AKAP13: variants seen among roughly 807,000 people sequenced by gnomAD.
AKAP13 encodes A-kinase anchoring protein 13.
In AKAP13, 80 loss-of-function variants were observed where a neutral mutation model predicts 264.5. The observed-to-expected ratio is 0.30, with a 90% CI of 0.25 to 0.36. The LOEUF is 0.36. Among genes scored for constraint, AKAP13 ranks in the 10% least tolerant of loss-of-function variants. AKAP13 has a pLI of 1.00. For missense variants in AKAP13, 3,712 were observed against 3,435.2 expected, an observed-to-expected ratio of 1.08 and a Z score of -2.01; for synonymous variants, 1,380 against 1,250.2, an observed-to-expected ratio of 1.10 and a Z score of -2.19.
chr15:85,660,087 T>C (rs974625134), intron 12 of AKAP13, among the ~76,000 whole-genome samples: 3 of 151,960 alleles, frequency 2.0e-5, no homozygotes, highest in South Asian at 2.1e-4. Context: ...GCACGGTGGC[T>C]CACGCCTGTA....
intron 12 of AKAP13, among the ~76,000 whole-genome samples, chr15:85,661,349 G>T (rs2083336951): frequency 6.6e-6 from 1 of 152,064 alleles, no homozygotes; most frequent in African/African-American, 2.4e-5. Flanking sequence ...TTTTTATCTT[G>T]TAGGAAAAAT....
intron 30 of AKAP13, among the ~76,000 whole-genome samples, chr15:85,734,455 CT>C (rs1319750916): frequency 6.6e-6 from 1 of 152,004 alleles, no homozygotes; most frequent in Non-Finnish European, 1.5e-5. Flanking sequence ...CCTGGCCCTT[CT>C]TTTTCTTTAT....
At chr15:85,529,698 G>C (rs546193211) in intron 3 of AKAP13, among the ~76,000 whole-genome samples, 1 of 152,358 alleles carries the variant, frequency 6.6e-6, no homozygotes, top group East Asian at 1.9e-4. Flanking sequence ...ATGTGAGAGA[G>C]TAGGCCTGCC....
chr15:85,670,305 C>T (rs2083852644), intron 14 of AKAP13, among the ~76,000 whole-genome samples: 1 of 151,876 alleles, frequency 6.6e-6, no homozygotes, highest in African/African-American at 2.4e-5. Flanking sequence ...CATAACTCTC[C>T]TTTACCTCTA....
At chr15:85,738,663 C>G (rs1479721698) in intron 33 of AKAP13, among the ~76,000 whole-genome samples, 1 of 151,236 alleles carries the variant, frequency 6.6e-6, no homozygotes, top group Non-Finnish European at 1.5e-5. Context: ...AAGGTGAAAC[C>G]CCGTCTCTAC....
chr15:85,597,273 A>G (rs1247461266), intron 8 of AKAP13, among the ~76,000 whole-genome samples: 1 of 152,192 alleles, frequency 6.6e-6, no homozygotes, highest in Non-Finnish European at 1.5e-5. Context: ...CCAAAGAGCT[A>G]GCATGCTCAA....
In AKAP13 at chr15:85,743,601, C is replaced by T. The variant is rs2089220806; in HGVS notation, c.8168C>T (p.Ser2723Leu). Residue 2723 changes from serine to leucine, a missense_variant, in exon 36 of 37, where the codon TCA becomes TTA. Ser to Leu is a moderately radical substitution (Grantham distance 145, BLOSUM62 -2). Around this residue, in one of 3 missense-constraint regions of AKAP13, gnomAD observed 611 missense variants for 539.3 expected, o/e 1.13. Coordinates refer to ENST00000394518, the MANE Select transcript of AKAP13 (RefSeq NM_007200.5). ...PSIAKSGSLDSELSVSPKRNS... is the reference protein window; with the variant it reads ...PSIAKSGSLDLELSVSPKRNS... ...ATAGCCAAATCAGGGTCATTGGACT[C>T]AGAACTTTCAGTGTCCCCAAAAAGG... 6.2e-7 allele frequency: 1 copy of T among 1,614,022 alleles called. No homozygotes were observed. The highest frequency in any genetic ancestry group is 1.3e-5 in the African/African-American group (1 of 74,896).
chr15:85,498,199 G>GATATAGATATATATATATATAT lies in AKAP13; in HGVS notation c.33+12451_33+12452insGATATATATATATATATATATA, dbSNP rs1467895169. On this transcript the variant is annotated intron_variant, in intron 2 of 36. Coordinates refer to ENST00000394518, the MANE Select transcript of AKAP13 (RefSeq NM_007200.5). Reference sequence around the variant, plus strand: ...TGGTAGTAAGGATTAAATGAAGTGAGATATATATATATATATATATATATA... The same window carrying GATATAGATATATATATATATAT: ...TGGTAGTAAGGATTAAATGAAGTGAGATATAGATATATATATATATATATATATATATATATATATATATATA... Among the ~76,000 whole-genome samples the GATATAGATATATATATATATAT allele has an allele frequency of 1.4e-4, 19 of 133,086 alleles. 1 individual carries two copies. The East Asian group carries it at 3.1e-3, about 22-fold the overall frequency. The allele number at this position is 133,086 out of a possible 152,430, so 87.3% of individuals were successfully genotyped here.
At chr15:85,511,870 G>A (rs559827598) in intron 2 of AKAP13, among the ~76,000 whole-genome samples, 1 of 152,108 alleles carries the variant, frequency 6.6e-6, no homozygotes, top group South Asian at 2.1e-4. Context: ...TGGCAGTTAA[G>A]CACTTTTAAC....
At chr15:85,429,315 G>A (rs542096723) in intron 1 of AKAP13, among the ~76,000 whole-genome samples, 3 of 151,938 alleles carry the variant, frequency 2.0e-5, no homozygotes, top group Admixed American at 6.6e-5. Flanking sequence ...CATTTCTCTC[G>A]TGCAAGACTA....
chr15:85,555,158 A>C (rs1384573514), intron 5 of AKAP13, among the ~76,000 whole-genome samples: 1 of 152,124 alleles, frequency 6.6e-6, no homozygotes, highest in Non-Finnish European at 1.5e-5. Flanking sequence ...CGGATAGCTA[A>C]AATACATCAT....
intron 1 of AKAP13, among the ~76,000 whole-genome samples, chr15:85,482,960 G>C (rs1349424612): frequency 5.3e-5 from 8 of 152,130 alleles, no homozygotes; most frequent in Admixed American, 1.3e-4. Flanking sequence ...ACCAGTGTGA[G>C]GGACAGACAC....
intron 1 of AKAP13, among the ~76,000 whole-genome samples, chr15:85,481,644 C>G (rs1309987019): frequency 6.6e-6 from 1 of 152,206 alleles, no homozygotes; most frequent in Non-Finnish European, 1.5e-5. Context: ...TGATTCCTTT[C>G]AACTGTAGCT....
chr15:85,527,329 C>T (rs1410865789), intron 3 of AKAP13, among the ~76,000 whole-genome samples: 1 of 152,088 alleles, frequency 6.6e-6, no homozygotes, highest in Non-Finnish European at 1.5e-5. Context: ...GCACTGGAAT[C>T]CTAGGGCATA....
At chr15:85,613,857 A>G (rs150388131) in intron 8 of AKAP13, among the ~76,000 whole-genome samples, 1,789 of 151,544 alleles carry the variant, frequency 0.012, 114 homozygotes, top group Admixed American at 0.11. Context: ...GATGGAATTT[A>G]GGTTCACTAT....
chr15:85,461,743 T>C (rs1479641105), intron 1 of AKAP13, among the ~76,000 whole-genome samples: 2 of 152,138 alleles, frequency 1.3e-5, no homozygotes, highest in African/African-American at 4.8e-5. Context: ...TTCAAATATG[T>C]CATTTGCACA....
intron 12 of AKAP13, among the ~76,000 whole-genome samples, chr15:85,664,021 C>T (rs1020412074): frequency 1.2e-4 from 19 of 152,194 alleles, no homozygotes; most frequent in Non-Finnish European, 2.1e-4. Flanking sequence ...TAGATGGTAA[C>T]ACTCATGAGT....
rs1184013757 is a variant in AKAP13 at position 85,729,682 on chromosome 15, A to G, written c.7088-831A>G. On this transcript the variant is annotated intron_variant, in intron 29 of 36. Transcript: ENST00000394518. ...CCAGGTGCGGTGGCTCACACCTGTA[A>G]TCCCAGCACTTTGGGAGGCCAAGGC... 2.0e-5 allele frequency among the ~76,000 whole-genome samples: 3 copies of G among 152,188 alleles called. No homozygotes were observed. The East Asian group carries it at 5.8e-4, about 29-fold the overall frequency.
chr15:85,504,516 AAAAAAAAAAAAAAAAAAAAG>A (rs1329936779), intron 2 of AKAP13, among the ~76,000 whole-genome samples: 5 of 76,670 alleles, frequency 6.5e-5, no homozygotes, highest in East Asian at 6.2e-4. Flanking sequence ...AAAAAAAAAA[AAAAAAAAAAAAAAAAAAAAG>A]AAAAAATTAG....
Sources: gnomAD v4.1 joint callset for allele counts (sites outside exome capture counted in the v4.1 genomes callset) on GRCh38, gnomAD v4.1.1 for gene constraint, gnomAD v4.1.1 regional missense constraint, MANE v1.5 for transcripts, NCBI Gene and HGNC (gene_info 2026-07-23, HGNC 2026-07-21) for gene names.